MTDH: variants seen among roughly 807,000 people sequenced by gnomAD.
MTDH encodes the protein metadherin.
In MTDH, 34 loss-of-function variants were observed where a neutral mutation model predicts 72.7. The observed-to-expected ratio is 0.47, with a 90% CI of 0.36 to 0.62. MTDH has a LOEUF of 0.62. Ranked by LOEUF, MTDH falls within the 20% of genes least tolerant of loss-of-function variation. The pLI is 0.00. For missense variants in MTDH, 677 were observed against 699.4 expected (o/e 0.97, Z 0.36); for synonymous variants, 266 against 268.9 (o/e 0.99, Z 0.10).
rs372480725 is a variant in MTDH at position 97,659,269 on chromosome 8, T to A, written c.382-1803T>A. Among the ~76,000 whole-genome samples, 13 of 151,724 alleles carry A rather than the reference T, an allele frequency of 8.6e-5. No individual in the cohort carries two copies. In the East Asian group the frequency reaches 1.8e-3, roughly 21 times the overall value. ...TACCTTTACCCACGTACTACCTCCC[T>A]CTTCCTTCCTTCCCCCATATGCATA... On this transcript the variant is annotated intron_variant, in intron 1 of 11. Transcript: ENST00000336273.
chr8:97,658,163 G>A (rs1812049739), intron 1 of MTDH, among the ~76,000 whole-genome samples: 2 of 151,980 alleles, frequency 1.3e-5, no homozygotes, highest in Non-Finnish European at 2.9e-5. Context: ...TGGAATCCCA[G>A]TAATGATGAA....
intron 1 of MTDH, among the ~76,000 whole-genome samples, chr8:97,652,156 A>T (rs1682093143): frequency 6.6e-6 from 1 of 152,202 alleles, no homozygotes; most frequent in African/African-American, 2.4e-5. Flanking sequence ...AAAGCAAATC[A>T]CTATGCTGCC....
At chr8:97,677,490 CAAA>C (rs934211630) in intron 2 of MTDH, among the ~76,000 whole-genome samples, 7 of 77,162 alleles carry the variant, frequency 9.1e-5, no homozygotes, top group African/African-American at 1.3e-4. Context: ...GACTCCATCT[CAAA>C]AAAAAAAAAA....
chr8:97,693,542 G>C (rs1417571245), intron 6 of MTDH, among the ~76,000 whole-genome samples: 3 of 152,072 alleles, frequency 2.0e-5, no homozygotes, highest in Non-Finnish European at 4.4e-5. Flanking sequence ...TGGCCAGGCT[G>C]GTCTCAAACT....
intron 2 of MTDH, among the ~76,000 whole-genome samples, chr8:97,683,745 TAC>T (rs1258173118): frequency 9.9e-5 from 15 of 152,138 alleles, no homozygotes; most frequent in Admixed American, 2.0e-4. Context: ...TGGGGATACC[TAC>T]TTTAGTTCCT....
chr8:97,651,481 T>TA (rs1811769624), intron 1 of MTDH, among the ~76,000 whole-genome samples: 1 of 152,168 alleles, frequency 6.6e-6, no homozygotes, highest in Non-Finnish European at 1.5e-5. Context: ...TCAGAAAGGA[T>TA]ACTTATTTAC....
chr8:97,682,245 T>TAC (rs1813127426), intron 2 of MTDH, among the ~76,000 whole-genome samples: 1 of 12,138 alleles, frequency 8.2e-5, no homozygotes, highest in African/African-American at 4.4e-4. Context: ...TATATATATA[T>TAC]ATATATATAT....
At chr8:97,654,382 C>T (rs915150610) in intron 1 of MTDH, among the ~76,000 whole-genome samples, 8 of 152,118 alleles carry the variant, frequency 5.3e-5, no homozygotes, top group Middle Eastern at 3.2e-3. Flanking sequence ...TGTGTAAGAA[C>T]GTTTCAGAAC....
chr8:97,664,146 G>A (rs774887719), intron 2 of MTDH, among the ~76,000 whole-genome samples: 3 of 152,076 alleles, frequency 2.0e-5, no homozygotes, highest in Non-Finnish European at 4.4e-5. Context: ...ACCTGAGATC[G>A]GGAGTTTGAG....
chr8:97,698,849 T>C (rs1386844996), intron 6 of MTDH, among the ~76,000 whole-genome samples: 1 of 152,208 alleles, frequency 6.6e-6, no homozygotes, highest in African/African-American at 2.4e-5. Context: ...TTTTGACTTC[T>C]TGAAATTTGT....
At chr8:97,648,817 C>A (rs1284551482) in intron 1 of MTDH, among the ~76,000 whole-genome samples, 1 of 152,150 alleles carries the variant, frequency 6.6e-6, no homozygotes, top group African/African-American at 2.4e-5. Context: ...GCTTGGTACT[C>A]AAAAATAATT....
At chr8:97,716,709 T>C (rs1332796220) in intron 9 of MTDH, among the ~76,000 whole-genome samples, 1 of 152,020 alleles carries the variant, frequency 6.6e-6, no homozygotes, top group African/African-American at 2.4e-5. Context: ...TTTGTTTTGT[T>C]TTGTTTGTTT....
chr8:97,684,988 C>G (rs1261034999), intron 2 of MTDH, among the ~76,000 whole-genome samples: 1 of 152,152 alleles, frequency 6.6e-6, no homozygotes, highest in Non-Finnish European at 1.5e-5. Context: ...ATTGCTTGAA[C>G]CTGGGAGGCA....
At chr8:97,708,072 A>C (rs191083382) in intron 8 of MTDH, among the ~76,000 whole-genome samples, 49 of 151,502 alleles carry the variant, frequency 3.2e-4, no homozygotes, top group African/African-American at 1.2e-3. Context: ...GAGTTCAAGC[A>C]ATTCTCGTGC....
chr8:97,677,320 C>T (rs763858515), intron 2 of MTDH, among the ~76,000 whole-genome samples: 16 of 150,806 alleles, frequency 1.1e-4, no homozygotes, highest in Non-Finnish European at 2.4e-4. Flanking sequence ...GGTGAAACCC[C>T]GTCTCTACTA....
rs926573958 is a variant in MTDH, at chr8:97,726,370, G to C, written c.*1700G>C. 6.6e-6 allele frequency: 1 copy of C among 152,556 alleles called. No homozygotes were observed. The highest frequency in any genetic ancestry group is 1.5e-5 in the Non-Finnish European group (1 of 68,036). The allele number at this position is 152,556 out of a possible 1,614,324, so 9.5% of individuals were successfully genotyped here. A position where few individuals can be genotyped will look rare whatever the true frequency, so the allele number is the denominator to read the frequency against. On this transcript the variant is annotated 3_prime_UTR_variant, in exon 12 of 12. Transcript: ENST00000336273. ...GGGTAGATAATAGCTAAAGAGCCAA[G>C]GATGAATTTCTTCAAATGACTTTAT...
chr8:97,726,908 A>G lies in MTDH; in HGVS notation c.*2238A>G, dbSNP rs1815374735. ...GCCAAGAGGGTGAAACCCCATCTTT[A>G]CTAAAAATACAAAAAAAAAAATTAG... On this transcript the variant is annotated 3_prime_UTR_variant, in exon 12 of 12. Transcript: ENST00000336273. The G allele has an allele frequency of 6.7e-6, 1 of 148,936 alleles. No homozygotes were observed. Among genetic ancestry groups the G allele is most frequent in the Non-Finnish European group, 1.5e-5 (1 of 67,640 alleles). 9.2% of individuals were successfully genotyped at this position (148,936 alleles called of 1,614,324 possible). A position where few individuals can be genotyped will look rare whatever the true frequency, so the allele number is the denominator to read the frequency against.
At chr8:97,703,220 C>T (rs781605994) in intron 7 of MTDH, among the ~76,000 whole-genome samples, 1 of 152,054 alleles carries the variant, frequency 6.6e-6, no homozygotes, top group Non-Finnish European at 1.5e-5. Context: ...ATTAGCTGGG[C>T]GTGGTTCGCA....
At chr8:97,648,535 C>G (rs1354606879) in intron 1 of MTDH, among the ~76,000 whole-genome samples, 3 of 150,916 alleles carry the variant, frequency 2.0e-5, no homozygotes, top group Admixed American at 6.6e-5. Flanking sequence ...ATTGCCCATG[C>G]TGGAGTGCAG....
Sources: gnomAD v4.1 joint callset for allele counts (sites outside exome capture counted in the v4.1 genomes callset) on GRCh38, gnomAD v4.1.1 for gene constraint, MANE v1.5 for transcripts, NCBI Gene and HGNC (gene_info 2026-07-23, HGNC 2026-07-21) for gene names.